The following ATM variants were observed in gnomAD, a reference collection of about 807,000 sequenced individuals.
ATM encodes the protein ATM serine/threonine kinase.
ATM carries 308 observed loss-of-function variants against 387.0 expected under a neutral mutation model. The ratio of observed to expected loss-of-function variants is 0.80; its 90% CI spans 0.73 to 0.87. The LOEUF (loss-of-function observed/expected upper bound fraction) is 0.87. Among genes scored for constraint, ATM ranks in the 40% least tolerant of loss-of-function variants. The pLI, the probability that ATM is intolerant of heterozygous loss-of-function variation, is 0.00. For missense variants in ATM, 3,312 were observed against 3,560.9 expected, an observed-to-expected ratio of 0.93 and a Z score of 1.78; for synonymous variants, 1,156 against 1,187.3, an observed-to-expected ratio of 0.97 and a Z score of 0.54.
chr11:108,256,101 C>T, intron 13 of ATM, 114 bp from the exon 14 acceptor site: 4 of 964,760 alleles, frequency 4.1e-6, no homozygotes, highest in Non-Finnish European at 5.7e-6. Context: ...ACCTTTAACT[C>T]AGTTAACTGA....
rs571548341 is a variant in ATM, at chr11:108,328,331, C to G, written c.7089+573C>G. Among the ~76,000 whole-genome samples the G allele has an allele frequency of 3.3e-5, 5 of 152,348 alleles. No homozygotes were observed. In the South Asian group the frequency reaches 1.0e-3, roughly 32 times the overall value. ...GCGCAATCTCGGCTCACTGCAACCT[C>G]TGCCTCCTGGGTTCAAGCGATTCTC... is the stretch of plus-strand genomic sequence containing the variant. On this transcript the variant is annotated intron_variant, in intron 48 of 62. Transcript: ENST00000675843.
intron 8 of ATM, among the ~76,000 whole-genome samples, chr11:108,247,361 TTG>T (rs534288118): frequency 4.5e-4 from 68 of 152,324 alleles, no homozygotes; most frequent in Non-Finnish European, 8.5e-4. Context: ...TCTTAAATGA[TTG>T]TCTCTAGGAA....
intron 56 of ATM, among the ~76,000 whole-genome samples, chr11:108,338,795 G>A (rs899408884): frequency 1.3e-5 from 2 of 152,178 alleles, no homozygotes; most frequent in Non-Finnish European, 2.9e-5. Flanking sequence ...AGCCAGTAAT[G>A]TTATTTTGAG....
intron 59 of ATM, among the ~76,000 whole-genome samples, chr11:108,351,458 T>C (rs558196111): frequency 6.6e-6 from 1 of 152,354 alleles, no homozygotes; most frequent in South Asian, 2.1e-4. Flanking sequence ...TTATTTATTA[T>C]TATCTCTCAT....
At chr11:108,299,023 C>T (rs906576475) in intron 33 of ATM, among the ~76,000 whole-genome samples, 1 of 152,148 alleles carries the variant, frequency 6.6e-6, no homozygotes, top group Non-Finnish European at 1.5e-5. Flanking sequence ...AGACGTGAGT[C>T]ACTAAGTACA....
chr11:108,272,907 G>A (rs2135574433), intron 22 of ATM, 55 bp downstream of exon 22: 2 of 1,606,570 alleles, frequency 1.2e-6, no homozygotes, highest in Middle Eastern at 3.3e-4. Flanking sequence ...GCAGTAGAAT[G>A]TCTTACATAG....
At position 108,288,926 on chromosome 11, in the gene ATM, G is replaced by C. The variant is rs1189974897; in HGVS notation, c.4110-51G>C. On this transcript the variant is annotated intron_variant, in intron 27 of 62. Transcript: ENST00000675843. Reference sequence around the variant, plus strand: ...TCATTTTGGAAGTTCACTGGTCTATGAACAAAACTTTTTAAAACGATGACT... The same window carrying C: ...TCATTTTGGAAGTTCACTGGTCTATCAACAAAACTTTTTAAAACGATGACT... 4 of 1,611,056 alleles carry C rather than the reference G, an allele frequency of 2.5e-6. No homozygotes were observed. In the Admixed American group the frequency reaches 5.0e-5, roughly 20 times the overall value.
chr11:108,320,964 T>C (rs193019521), intron 44 of ATM, among the ~76,000 whole-genome samples: 3 of 152,260 alleles, frequency 2.0e-5, no homozygotes, highest in African/African-American at 7.2e-5. Flanking sequence ...GAAGAGAACA[T>C]ATATTTACTA....
intron 5 of ATM, among the ~76,000 whole-genome samples, chr11:108,239,608 G>A (rs2079460315): frequency 6.6e-6 from 1 of 152,182 alleles, no homozygotes; most frequent in Non-Finnish European, 1.5e-5. Context: ...GTGAACATGA[G>A]TATACATCTC....
intron 61 of ATM, among the ~76,000 whole-genome samples, chr11:108,362,748 A>G (rs1161036914): frequency 7.2e-6 from 1 of 138,398 alleles, no homozygotes; most frequent in Non-Finnish European, 1.5e-5. Flanking sequence ...GAATTGAACA[A>G]TGAGAACACA....
intron 36 of ATM, 130 bp downstream of exon 36, chr11:108,303,159 G>A (rs1216848870): frequency 9.2e-6 from 9 of 980,426 alleles, no homozygotes; most frequent in Non-Finnish European, 1.4e-5. Context: ...ATTAAAGTGA[G>A]CATCCGTATT....
chr11:108,354,934 A>C (rs664143), intron 61 of ATM, 60 bp downstream of exon 61: 61 of 1,391,488 alleles, frequency 4.4e-5, no homozygotes, highest in Non-Finnish European at 5.6e-5. Flanking sequence ...TGTGTATCTC[A>C]TCAGGAAGTC....
intron 20 of ATM, among the ~76,000 whole-genome samples, chr11:108,272,222 A>G (rs1009516933): frequency 1.3e-5 from 2 of 152,212 alleles, no homozygotes; most frequent in African/African-American, 2.4e-5. Context: ...GAAATCTTCA[A>G]TATACCAAAC....
chr11:108,267,909 A>C (rs1430746618), intron 17 of ATM, among the ~76,000 whole-genome samples: 1 of 152,250 alleles, frequency 6.6e-6, no homozygotes, highest in Non-Finnish European at 1.5e-5. Flanking sequence ...AGAAAGCAGG[A>C]AATGAAAACA....
At chr11:108,347,976 AG>A (rs1194903531) in intron 59 of ATM, among the ~76,000 whole-genome samples, 1 of 152,220 alleles carries the variant, frequency 6.6e-6, no homozygotes, top group Non-Finnish European at 1.5e-5. Flanking sequence ...CTAAAGTTGT[AG>A]AAACCAGAAT....
At chr11:108,249,867 A>G (rs1251011310) in intron 9 of ATM, among the ~76,000 whole-genome samples, 4 of 152,176 alleles carry the variant, frequency 2.6e-5, no homozygotes, top group African/African-American at 7.2e-5. Context: ...AAGAGTAGCT[A>G]TTTAAGATTC....
chr11:108,245,043 T>C lies in ATM; in HGVS notation c.901+17T>C, dbSNP rs774302699. 1 of 1,579,444 alleles carries C rather than the reference T, an allele frequency of 6.3e-7. No individual in the cohort carries two copies. Among genetic ancestry groups the C allele is most frequent in the African/African-American group, 1.3e-5 (1 of 74,434 alleles). The stretch of plus-strand genomic sequence containing the variant: ...AAGAAAAAGGTATAAAGGAAATGTT[T>C]ACTGTTTTGAATTTGCTTCTTCATT... On this transcript the variant is annotated intron_variant, in intron 7 of 62. Coordinates refer to ENST00000675843, the MANE Select transcript of ATM (RefSeq NM_000051.4).
chr11:108,262,576 T>C (rs1212433767), intron 16 of ATM, among the ~76,000 whole-genome samples: 2,889 of 103,868 alleles, frequency 0.028, no homozygotes, highest in African/African-American at 0.035. Context: ...CTGCATCAAC[T>C]AATGAGCAAA....
In ATM at chr11:108,293,479, T is replaced by C. The variant is rs587781927; in HGVS notation, c.4776+2T>C. Reference sequence around the variant, plus strand: ...AGAGGACCCTTTTCACTCTTGGAGGTAATAAAAATTTCATCATCTACTATT... The same window carrying C: ...AGAGGACCCTTTTCACTCTTGGAGGCAATAAAAATTTCATCATCTACTATT... On this transcript the variant is annotated splice_donor_variant, in intron 31 of 62. Coordinates refer to ENST00000675843, the MANE Select transcript of ATM (RefSeq NM_000051.4). LOFTEE classifies it high-confidence loss of function. The C allele has an allele frequency of 6.2e-7, 1 of 1,607,356 alleles. No individual in the cohort carries two copies. The highest frequency in any genetic ancestry group is 1.7e-5 in the Admixed American group (1 of 59,938).
Sources: allele counts gnomAD v4.1 joint callset (sites outside exome capture counted in the v4.1 genomes callset), GRCh38; gene constraint gnomAD v4.1.1; transcripts MANE v1.5; gene names NCBI Gene and HGNC (gene_info 2026-07-23, HGNC 2026-07-21).